Variants in GDAP2 observed in about 807,000 individuals in gnomAD.
The protein encoded by GDAP2 is ganglioside-induced differentiation-associated protein 2.
In GDAP2, 51 loss-of-function variants were observed where a neutral mutation model predicts 67.0. The observed-to-expected ratio is 0.76, with a 90% CI of 0.61 to 0.96. The LOEUF (loss-of-function observed/expected upper bound fraction) is 0.96, where lower values mean the gene tolerates loss of function less well. Ranked by LOEUF, GDAP2 falls within the 40% of genes least tolerant of loss-of-function variation. The probability of loss-of-function intolerance (pLI) is 0.00; values close to 1 mark genes in which losing one functional copy is unlikely to be tolerated. For missense variants in GDAP2, 547 were observed against 588.3 expected (o/e 0.93, Z 0.73); for synonymous variants, 203 against 207.3 (o/e 0.98, Z 0.18).
intron 8 of GDAP2, among the ~76,000 whole-genome samples, chr1:117,894,142 AT>A (rs757044124): frequency 0.012 from 1,658 of 142,176 alleles, 13 homozygotes; most frequent in African/African-American, 0.029. Context: ...TCTCAATAAC[AT>A]TTTTTTTTTT....
rs775713782 is a variant in GDAP2, at chr1:117,877,940, C to T, written c.1446+69G>A. 1.2e-4 allele frequency: 191 copies of T among 1,542,034 alleles called. 1 individual carries two copies. The highest frequency in any genetic ancestry group is 1.5e-4 in the Non-Finnish European group (175 of 1,141,372). On this transcript the variant is annotated intron_variant, in intron 13 of 13. Coordinates refer to ENST00000369443, the MANE Select transcript of GDAP2 (RefSeq NM_017686.4). The stretch of plus-strand genomic sequence containing the variant: ...TCTGGTAATGACAGGATGTTGTGCT[C>T]GTAAGTGCTGCTCTATAGAACAGTT...
At chr1:117,927,165 A>G (rs1650479319) in intron 1 of GDAP2, among the ~76,000 whole-genome samples, 1 of 152,158 alleles carries the variant, frequency 6.6e-6, no homozygotes, top group African/African-American at 2.4e-5. Flanking sequence ...CCCACTATGT[A>G]TCTTTTATAA....
At chr1:117,923,690 G>C (rs1284050958) in intron 1 of GDAP2, among the ~76,000 whole-genome samples, 1 of 152,164 alleles carries the variant, frequency 6.6e-6, no homozygotes, top group Non-Finnish European at 1.5e-5. Flanking sequence ...CCAAAGTCAG[G>C]AGATAGAACT....
chr1:117,896,818 G>A lies in GDAP2; in HGVS notation c.953+15C>T, dbSNP rs764889309. Reference sequence around the variant, plus strand: ...ATGTCCTTATGTATCTAACAGTCCTGAAGGGTTGTCTTACTTTCTTTGATG... The same window carrying A: ...ATGTCCTTATGTATCTAACAGTCCTAAAGGGTTGTCTTACTTTCTTTGATG... On this transcript the variant is annotated intron_variant, in intron 8 of 13. Transcript: ENST00000369443. 6.3e-7 allele frequency: 1 copy of A among 1,598,080 alleles called. No homozygotes were observed. Among genetic ancestry groups the A allele is most frequent in the Admixed American group, 1.7e-5 (1 of 58,654 alleles).
Position 117,912,425 on chromosome 1 carries a change from C to G in GDAP2, c.470+105G>C, listed in dbSNP as rs1031937894. ...ACCTAAGTCCCTCAAAATTTGACTTCCACTGCTAGGTTTTTAATCTTTAAA... is the reference window on the plus strand; with the variant it reads ...ACCTAAGTCCCTCAAAATTTGACTTGCACTGCTAGGTTTTTAATCTTTAAA... On this transcript the variant is annotated intron_variant, in intron 4 of 13. Transcript: ENST00000369443. The G allele has an allele frequency of 7.1e-6, 7 of 982,900 alleles. No individual in the cohort carries two copies. The African/African-American group carries it at 1.1e-4, about 16-fold the overall frequency. The allele number at this position is 982,900 out of a possible 1,614,324, so 60.9% of individuals were successfully genotyped here.
chr1:117,884,791 A>C (rs1648789067), intron 10 of GDAP2, among the ~76,000 whole-genome samples: 1 of 148,948 alleles, frequency 6.7e-6, no homozygotes, highest in South Asian at 2.1e-4. Flanking sequence ...TAACGGTATA[A>C]TTTTCATCAG....
intron 6 of GDAP2, among the ~76,000 whole-genome samples, chr1:117,901,762 G>A (rs778373473): frequency 1.3e-5 from 2 of 152,174 alleles, no homozygotes; most frequent in African/African-American, 4.8e-5. Flanking sequence ...CCCTGTAAGG[G>A]ATAACTAATT....
In GDAP2 at chr1:117,870,148, T is replaced by C. The variant is rs576576300; in HGVS notation, c.*421A>G. On this transcript the variant is annotated 3_prime_UTR_variant, in exon 14 of 14. Coordinates refer to ENST00000369443, the MANE Select transcript of GDAP2 (RefSeq NM_017686.4). ...AACACCATGGATCTGAAGCAAACAA[T>C]GCATCTGGTTAGCATACATTGGTTC... The C allele has an allele frequency of 1.8e-5, 3 of 168,748 alleles. No individual in the cohort carries two copies. The highest frequency in any genetic ancestry group is 1.6e-4 in the South Asian group (1 of 6,082). 10.5% of individuals were successfully genotyped at this position (168,748 alleles called of 1,614,324 possible). A position where few individuals can be genotyped will look rare whatever the true frequency, so the allele number is the denominator to read the frequency against.
In GDAP2 at chr1:117,910,102, GT is replaced by G. The variant is rs1649801766; in HGVS notation, c.559+1891del. Among the ~76,000 whole-genome samples, 4 of 152,212 alleles carry G rather than the reference GT, an allele frequency of 2.6e-5. No homozygotes were observed. The Middle Eastern group carries it at 0.014, about 518-fold the overall frequency. On this transcript the variant is annotated intron_variant, in intron 5 of 13. Coordinates refer to ENST00000369443, the MANE Select transcript of GDAP2 (RefSeq NM_017686.4). ...TAGGTACCATTTAGAAGATAGGCATGTAATAACATAGTAGTCTTCCACTGAA... is the reference window on the plus strand; with the variant it reads ...TAGGTACCATTTAGAAGATAGGCATGAATAACATAGTAGTCTTCCACTGAA...
intron 8 of GDAP2, 41 bp from the exon 9 acceptor site, chr1:117,887,815 GAAATT>G: frequency 8.4e-7 from 1 of 1,185,642 alleles, no homozygotes. Flanking sequence ...TAAACCCTTG[GAAATT>G]AAATTTACAA....
intron 6 of GDAP2, among the ~76,000 whole-genome samples, chr1:117,900,953 G>C (rs1320650593): frequency 1.3e-5 from 2 of 152,124 alleles, no homozygotes; most frequent in East Asian, 1.9e-4. Context: ...CCAGCTACTT[G>C]GGAGGCTGAG....
intron 9 of GDAP2, 64 bp from the exon 10 acceptor site, chr1:117,886,717 C>T: frequency 1.2e-6 from 1 of 845,140 alleles, no homozygotes. Context: ...TTGTCTTGGG[C>T]TCTGACTTTA....
At chr1:117,894,142 ATTT>A (rs757044124) in intron 8 of GDAP2, among the ~76,000 whole-genome samples, 3 of 142,416 alleles carry the variant, frequency 2.1e-5, no homozygotes, top group Non-Finnish European at 1.5e-5. Flanking sequence ...TCTCAATAAC[ATTT>A]TTTTTTTTTT....
chr1:117,899,344 GCTCAGACTCGATACTGTC>G (rs1649369399), intron 6 of GDAP2, 128 bp from the exon 7 acceptor site: 6 of 658,248 alleles, frequency 9.1e-6, no homozygotes, highest in African/African-American at 5.5e-5. Flanking sequence ...CCACTTCTGA[GCTCAGACTCGATACTGTC>G]TGAAACCCTC....
chr1:117,923,344 T>C (rs1400154142), intron 1 of GDAP2, among the ~76,000 whole-genome samples: 1 of 152,206 alleles, frequency 6.6e-6, no homozygotes, highest in Non-Finnish European at 1.5e-5. Flanking sequence ...TAAATGTCCA[T>C]GAAATCTTCA....
chr1:117,900,433 T>C (rs1458135984), intron 6 of GDAP2, among the ~76,000 whole-genome samples: 1 of 152,176 alleles, frequency 6.6e-6, no homozygotes, highest in East Asian at 1.9e-4. Context: ...TACTAATCTT[T>C]CTGTCACTAT....
chr1:117,884,232 G>C (rs1648770086), intron 10 of GDAP2, among the ~76,000 whole-genome samples: 1 of 152,082 alleles, frequency 6.6e-6, no homozygotes, highest in African/African-American at 2.4e-5. Flanking sequence ...CAATAGGTTG[G>C]GAAGCATTTC....
rs116170962 is a variant in GDAP2, at chr1:117,889,146, C to T, written c.954-1372G>A. 7.0e-3 allele frequency among the ~76,000 whole-genome samples: 1,067 copies of T among 152,070 alleles called. 12 individuals carry two copies. The highest frequency in any genetic ancestry group is 0.024 in the African/African-American group (989 of 41,468). On this transcript the variant is annotated intron_variant, in intron 8 of 13. Coordinates refer to ENST00000369443, the MANE Select transcript of GDAP2 (RefSeq NM_017686.4). ...TCTCCCTAAATCATATGCACTATTC[C>T]ATATTTTCATACAGTCATTTCCTAT...
intron 8 of GDAP2, 154 bp downstream of exon 8, chr1:117,896,679 A>T: frequency 2.0e-6 from 1 of 500,786 alleles, no homozygotes; most frequent in East Asian, 3.2e-5. Flanking sequence ...GAGTTTTTGC[A>T]CCTCCAAAAT....
Sources: gnomAD v4.1 joint callset for allele counts (sites outside exome capture counted in the v4.1 genomes callset) on GRCh38, gnomAD v4.1.1 for gene constraint, MANE v1.5 for transcripts, NCBI Gene and HGNC (gene_info 2026-07-23, HGNC 2026-07-21) for gene names.